LRRTM4: variants seen among roughly 807,000 people sequenced by gnomAD.
LRRTM4 encodes the protein leucine-rich repeat transmembrane neuronal protein 4.
Under a neutral mutation model 47.6 loss-of-function variants are expected in LRRTM4, and 25 were observed. That is an observed-to-expected ratio of 0.53 (90% CI 0.38 to 0.73). LRRTM4 has a LOEUF of 0.73. Ranked by LOEUF, LRRTM4 falls within the 30% of genes least tolerant of loss-of-function variation. The probability of loss-of-function intolerance (pLI) is 0.00; values close to 1 mark genes in which losing one functional copy is unlikely to be tolerated. For synonymous variants in LRRTM4, 311 were observed against 269.5 expected (o/e 1.15, Z -1.51); for missense variants, 638 against 713.4 (o/e 0.89, Z 1.20).
intron 3 of LRRTM4, among the ~76,000 whole-genome samples, chr2:77,355,037 G>T (rs1309670480): frequency 2.0e-5 from 3 of 152,128 alleles, no homozygotes; most frequent in African/African-American, 7.2e-5. Flanking sequence ...TTACCGAAAT[G>T]TACTATTGAA....
chr2:77,142,381 A>G (rs925198965), intron 3 of LRRTM4, among the ~76,000 whole-genome samples: 4 of 151,762 alleles, frequency 2.6e-5, no homozygotes, highest in African/African-American at 7.3e-5. Flanking sequence ...TAGATCGAAA[A>G]CCTAATGAGC....
intron 3 of LRRTM4, among the ~76,000 whole-genome samples, chr2:77,282,557 C>G (rs1676536039): frequency 6.6e-6 from 1 of 151,610 alleles, no homozygotes; most frequent in African/African-American, 2.4e-5. Flanking sequence ...GCAAAAAGAA[C>G]AAAGCCAGAG....
At chr2:76,778,452 T>C (rs1276840244) in intron 3 of LRRTM4, among the ~76,000 whole-genome samples, 1 of 148,230 alleles carries the variant, frequency 6.7e-6, no homozygotes, top group South Asian at 2.1e-4. Context: ...GTTATTGGTC[T>C]ATTCAGAGAT....
chr2:77,464,328 G>T (rs1676901847), intron 3 of LRRTM4, among the ~76,000 whole-genome samples: 1 of 151,860 alleles, frequency 6.6e-6, no homozygotes, highest in African/African-American at 2.4e-5. Flanking sequence ...ACTCATATTT[G>T]GTTTAAGACA....
At chr2:76,772,496 A>T (rs1673754540) in intron 3 of LRRTM4, among the ~76,000 whole-genome samples, 1 of 152,196 alleles carries the variant, frequency 6.6e-6, no homozygotes, top group African/African-American at 2.4e-5. Flanking sequence ...GTTGAAAGGG[A>T]CAAATATGTT....
At chr2:77,335,828 A>C (rs1427316502) in intron 3 of LRRTM4, among the ~76,000 whole-genome samples, 1 of 152,138 alleles carries the variant, frequency 6.6e-6, no homozygotes, top group Non-Finnish European at 1.5e-5. Flanking sequence ...TTTTCATAAC[A>C]GTTTTGTAGG....
chr2:77,365,649 G>A (rs897483549), intron 3 of LRRTM4, among the ~76,000 whole-genome samples: 1 of 151,416 alleles, frequency 6.6e-6, no homozygotes, highest in Non-Finnish European at 1.5e-5. Context: ...GCAGTTAATG[G>A]TTATGCATCT....
intron 3 of LRRTM4, among the ~76,000 whole-genome samples, chr2:77,367,168 G>A (rs1029310302): frequency 1.2e-4 from 18 of 151,278 alleles, no homozygotes; most frequent in Admixed American, 6.6e-4. Context: ...TAATTATCTT[G>A]TGCTCCTTTT....
At chr2:77,031,515 C>G (rs1296754467) in intron 3 of LRRTM4, among the ~76,000 whole-genome samples, 1 of 152,148 alleles carries the variant, frequency 6.6e-6, no homozygotes, top group African/African-American at 2.4e-5. Flanking sequence ...ACTGAAATCA[C>G]TGGAACAATT....
chr2:77,479,694 T>C (rs4610080), intron 3 of LRRTM4, among the ~76,000 whole-genome samples: 9 of 152,018 alleles, frequency 5.9e-5, no homozygotes, highest in Non-Finnish European at 1.2e-4. Context: ...CTCTCTCTCT[T>C]TTTCTCGTCT....
intron 3 of LRRTM4, among the ~76,000 whole-genome samples, chr2:77,284,332 T>A (rs2104108145): frequency 6.6e-6 from 1 of 152,280 alleles, no homozygotes; most frequent in Admixed American, 6.6e-5. Flanking sequence ...TACTGTTAGA[T>A]AATAACACAT....
At chr2:76,923,456 AAGAC>A (rs1297129712) in intron 3 of LRRTM4, among the ~76,000 whole-genome samples, 22 of 152,034 alleles carry the variant, frequency 1.4e-4, no homozygotes, top group Admixed American at 4.6e-4. Flanking sequence ...GAGCAAAAAA[AAGAC>A]AGGGTGTTAA....
chr2:77,136,745 G>A (rs1671956038), intron 3 of LRRTM4, among the ~76,000 whole-genome samples: 4 of 149,862 alleles, frequency 2.7e-5, no homozygotes, highest in Admixed American at 2.6e-4. Flanking sequence ...TTAGATGAAT[G>A]GCTAACTAGA....
chr2:76,769,902 G>C (rs1327690868), intron 3 of LRRTM4, among the ~76,000 whole-genome samples: 1 of 152,134 alleles, frequency 6.6e-6, no homozygotes. Context: ...AGAATGCTGA[G>C]AAGTCACAGC....
chr2:76,913,909 A>T (rs1010796444), intron 3 of LRRTM4, among the ~76,000 whole-genome samples: 5 of 152,124 alleles, frequency 3.3e-5, no homozygotes, highest in Admixed American at 1.3e-4. Flanking sequence ...GTGATAGGAA[A>T]CTTCCCTTTT....
intron 3 of LRRTM4, among the ~76,000 whole-genome samples, chr2:76,826,425 AATAAT>A (rs1181488437): frequency 6.6e-6 from 1 of 151,662 alleles, no homozygotes; most frequent in Non-Finnish European, 1.5e-5. Flanking sequence ...AAAGGAAAAA[AATAAT>A]AAAGCTTGAC....
intron 3 of LRRTM4, among the ~76,000 whole-genome samples, chr2:77,359,747 A>G (rs1476651866): frequency 1.3e-5 from 2 of 152,164 alleles, no homozygotes; most frequent in African/African-American, 2.4e-5. Flanking sequence ...TTTCTTTTCA[A>G]CTAATAGATG....
At chr2:76,857,692 G>T (rs2103996334) in intron 3 of LRRTM4, among the ~76,000 whole-genome samples, 2 of 152,118 alleles carry the variant, frequency 1.3e-5, no homozygotes, top group African/African-American at 4.8e-5. Flanking sequence ...TACTGTTTTG[G>T]CAACATAATT....
intron 3 of LRRTM4, among the ~76,000 whole-genome samples, chr2:76,749,500 T>C (rs12713881): frequency 0.5 from 76,361 of 151,880 alleles, 19,529 homozygotes; most frequent in Admixed American, 0.61. Flanking sequence ...CACAATTTCC[T>C]ATAGATTAAT....
Sources: gnomAD v4.1 joint callset for allele counts (sites outside exome capture counted in the v4.1 genomes callset) on GRCh38, gnomAD v4.1.1 for gene constraint, MANE v1.5 for transcripts, NCBI Gene and HGNC (gene_info 2026-07-23, HGNC 2026-07-21) for gene names.